CCDC102B: variants seen among roughly 807,000 people sequenced by gnomAD.
CCDC102B encodes coiled-coil domain-containing protein 102B.
Under a neutral mutation model 57.4 loss-of-function variants are expected in CCDC102B, and 75 were observed. The ratio of observed to expected loss-of-function variants is 1.31; its 90% CI spans 1.08 to 1.58. The LOEUF is 1.58. Ranked by LOEUF, CCDC102B falls within the 40% of genes most tolerant of loss-of-function variation. The pLI, the probability that CCDC102B is intolerant of heterozygous loss-of-function variation, is 0.00. For missense variants in CCDC102B, 636 were observed against 582.6 expected, an observed-to-expected ratio of 1.09 and a Z score of -0.94; for synonymous variants, 206 against 201.9, an observed-to-expected ratio of 1.02 and a Z score of -0.17.
intron 2 of CCDC102B, among the ~76,000 whole-genome samples, chr18:68,726,561 T>C (rs2032604532): frequency 6.6e-6 from 1 of 152,206 alleles, no homozygotes; most frequent in Non-Finnish European, 1.5e-5. Flanking sequence ...CTAAATAGAC[T>C]ATTAAACAAG....
At chr18:68,741,705 AC>A (rs2033396087) in intron 2 of CCDC102B, among the ~76,000 whole-genome samples, 2 of 112,792 alleles carry the variant, frequency 1.8e-5, no homozygotes, top group African/African-American at 4.1e-5. Flanking sequence ...ACACACACAC[AC>A]ACACACACCC....
chr18:68,956,960 AT>A (rs1302961567), intron 6 of CCDC102B, among the ~76,000 whole-genome samples: 1 of 151,840 alleles, frequency 6.6e-6, no homozygotes, highest in East Asian at 1.9e-4. Context: ...TAATATGCCA[AT>A]TTTTTAATCA....
intron 3 of CCDC102B, 171 bp downstream of exon 3, chr18:68,839,097 G>A (rs967002875): frequency 1.6e-6 from 1 of 635,326 alleles, no homozygotes; most frequent in African/African-American, 1.8e-5. Context: ...ATTTTAAAAT[G>A]TAGTTTATAA....
In CCDC102B at chr18:69,037,858, G is replaced by A. The variant is rs111692110; in HGVS notation, c.1435-16172G>A. ...TGGGGGCTATTGCGGGACTTGTTAC[G>A]TGAGACTAAATGGTCACAATAACCC... is the stretch of plus-strand genomic sequence containing the variant. On this transcript the variant is annotated intron_variant, in intron 7 of 7. Coordinates refer to ENST00000360242, the MANE Select transcript of CCDC102B (RefSeq NM_024781.3). 2.0e-3 allele frequency among the ~76,000 whole-genome samples: 306 copies of A among 152,060 alleles called. 1 individual carries two copies. Among genetic ancestry groups the A allele is most frequent in the South Asian group, 0.017 (82 of 4,822 alleles).
chr18:68,731,603 A>G (rs1472677527), intron 2 of CCDC102B, among the ~76,000 whole-genome samples: 1 of 151,724 alleles, frequency 6.6e-6, no homozygotes, highest in East Asian at 1.9e-4. Context: ...CAGAGGGATA[A>G]ACAATTTTAT....
At chr18:68,787,805 G>A (rs1222085367) in intron 2 of CCDC102B, among the ~76,000 whole-genome samples, 6 of 151,932 alleles carry the variant, frequency 3.9e-5, no homozygotes, top group Non-Finnish European at 4.4e-5. Flanking sequence ...ATTTTTTGAA[G>A]GGTTTTTTAT....
intron 5 of CCDC102B, among the ~76,000 whole-genome samples, chr18:68,880,040 G>T (rs888092783): frequency 2.0e-5 from 3 of 152,208 alleles, no homozygotes; most frequent in Non-Finnish European, 2.9e-5. Context: ...GCGCTGTGGA[G>T]CAGGGGGCGG....
At chr18:68,877,630 A>G (rs1429295463) in intron 5 of CCDC102B, among the ~76,000 whole-genome samples, 1 of 152,248 alleles carries the variant, frequency 6.6e-6, no homozygotes, top group Non-Finnish European at 1.5e-5. Flanking sequence ...GTTGTGTTTA[A>G]CACGGATTCT....
At chr18:68,899,496 G>A (rs2040363253) in intron 6 of CCDC102B, among the ~76,000 whole-genome samples, 1 of 151,876 alleles carries the variant, frequency 6.6e-6, no homozygotes, top group South Asian at 2.1e-4. Context: ...TTCCATACAT[G>A]AGTGAGGCAG....
chr18:68,936,318 C>A (rs958533106), intron 6 of CCDC102B, among the ~76,000 whole-genome samples: 9 of 151,910 alleles, frequency 5.9e-5, no homozygotes, highest in African/African-American at 2.2e-4. Context: ...AAATGATATA[C>A]CTGTTAAAGG....
In CCDC102B at chr18:68,874,755, A is replaced by T. The variant is rs747912668; in HGVS notation, c.1023A>T (p.Lys341Asn). Reference protein sequence around the residue: ...IKEESKSQNSKDRVICELRAE... With the variant: ...IKEESKSQNSNDRVICELRAE... The stretch of plus-strand genomic sequence containing the variant: ...AAGAATCCAAATCTCAAAACAGCAA[A>T]GACAGAGTGATTTGTGAGTTAAGAG... Residue 341 changes from lysine (K) to asparagine (N), a missense_variant, in exon 5 of 8, where the codon AAA (lysine) becomes AAT (asparagine). Lys to Asn is a moderately conservative substitution (Grantham distance 94). Transcript: ENST00000360242. The T allele has an allele frequency of 3.7e-6, 6 of 1,610,320 alleles. No homozygotes were observed. The East Asian group carries it at 8.9e-5, about 24-fold the overall frequency.
At chr18:68,974,342 G>A (rs370399197) in intron 6 of CCDC102B, among the ~76,000 whole-genome samples, 41 of 152,152 alleles carry the variant, frequency 2.7e-4, no homozygotes, top group Admixed American at 2.2e-3. Context: ...ACACCCTAAC[G>A]TGCCAGTGCC....
chr18:68,934,036 G>C (rs117982861), intron 6 of CCDC102B, among the ~76,000 whole-genome samples: 1,863 of 151,846 alleles, frequency 0.012, 20 homozygotes, highest in East Asian at 0.033. Flanking sequence ...CACCTATGAA[G>C]AATTATTACT....
intron 2 of CCDC102B, among the ~76,000 whole-genome samples, chr18:68,772,326 G>C (rs771171114): frequency 6.6e-6 from 1 of 152,008 alleles, no homozygotes; most frequent in Non-Finnish European, 1.5e-5. Flanking sequence ...ATGAAAAGCT[G>C]GTAGCATAGG....
chr18:68,987,065 G>A (rs146416485), intron 6 of CCDC102B, among the ~76,000 whole-genome samples: 18 of 152,136 alleles, frequency 1.2e-4, no homozygotes, highest in African/African-American at 3.4e-4. Context: ...AATTGGAAAC[G>A]TCTATTCTTA....
intron 2 of CCDC102B, among the ~76,000 whole-genome samples, chr18:68,746,296 G>A (rs891614386): frequency 2.6e-5 from 4 of 152,068 alleles, no homozygotes; most frequent in Non-Finnish European, 5.9e-5. Context: ...CACGTGACAA[G>A]GTGATAAAAC....
At chr18:68,953,450 T>C (rs917949137) in intron 6 of CCDC102B, among the ~76,000 whole-genome samples, 2 of 151,232 alleles carry the variant, frequency 1.3e-5, no homozygotes, top group Admixed American at 1.3e-4. Context: ...TGATTAGAGA[T>C]GCTGATTATC....
chr18:68,770,557 G>C (rs868128088), intron 2 of CCDC102B, among the ~76,000 whole-genome samples: 8 of 152,150 alleles, frequency 5.3e-5, no homozygotes, highest in South Asian at 4.1e-4. Flanking sequence ...TACCTCAGAG[G>C]GGGGAGAATT....
chr18:68,837,575 G>T (rs1321633108), intron 2 of CCDC102B, among the ~76,000 whole-genome samples: 3 of 152,180 alleles, frequency 2.0e-5, no homozygotes, highest in African/African-American at 7.2e-5. Flanking sequence ...CATGCTAGCA[G>T]GGTTGGTTTC....
Sources: allele counts gnomAD v4.1 joint callset (sites outside exome capture counted in the v4.1 genomes callset), GRCh38; gene constraint gnomAD v4.1.1; transcripts MANE v1.5; gene names NCBI Gene and HGNC (gene_info 2026-07-23, HGNC 2026-07-21).